The following SPOCK3 variants were observed in gnomAD, a reference collection of about 807,000 sequenced individuals.
SPOCK3 encodes the protein SPARC (osteonectin), cwcv and kazal like domains proteoglycan 3.
A neutral mutation model predicts 56.6 loss-of-function variants in SPOCK3; 30 were observed. The observed-to-expected ratio is 0.53, with a 90% CI of 0.40 to 0.72. The LOEUF is 0.72. Ranked by LOEUF, SPOCK3 falls within the 30% of genes least tolerant of loss-of-function variation. SPOCK3 has a pLI of 0.00. For missense variants in SPOCK3, 527 were observed against 530.0 expected (o/e 0.99, Z 0.06); for synonymous variants, 196 against 183.3 (o/e 1.07, Z -0.56).
chr4:167,112,166 C>T (rs573889642), intron 2 of SPOCK3, among the ~76,000 whole-genome samples: 3 of 152,188 alleles, frequency 2.0e-5, no homozygotes, highest in South Asian at 2.1e-4. Flanking sequence ...ACTATTAGCT[C>T]ATAATACCTG....
intron 3 of SPOCK3, among the ~76,000 whole-genome samples, chr4:167,002,010 G>T (rs976845457): frequency 6.6e-6 from 1 of 152,034 alleles, no homozygotes; most frequent in Non-Finnish European, 1.5e-5. Context: ...CCTGGCTAGA[G>T]TTCAGTGGTG....
chr4:166,983,706 T>G (rs2558127), intron 4 of SPOCK3, among the ~76,000 whole-genome samples: 98,857 of 151,886 alleles, frequency 0.65, 33,963 homozygotes, highest in East Asian at 0.84. Context: ...AATAATGTCT[T>G]AATTAAATAT....
rs1170820347 is a variant in SPOCK3 at position 167,205,475 on chromosome 4, TATATATA to T, written c.189+28503_189+28509del. Among the ~76,000 whole-genome samples the T allele has an allele frequency of 8.4e-3, 437 of 51,998 alleles. 12 individuals are homozygous for T. Among genetic ancestry groups the T allele is most frequent in the African/African-American group, 0.028 (329 of 11,946 alleles). The allele number at this position is 51,998 out of a possible 152,430, so 34.1% of individuals were successfully genotyped here. A position where few individuals can be genotyped will look rare whatever the true frequency, so the allele number is the denominator to read the frequency against. The stretch of plus-strand genomic sequence containing the variant: ...TTATATAAATATATAGAATTTATTT[TATATATA>T]ATATATAATATATAATATATATTAT... On this transcript the variant is annotated intron_variant, in intron 2 of 10. Coordinates refer to ENST00000357545, the MANE Select transcript of SPOCK3 (RefSeq NM_001040159.2).
chr4:166,859,405 C>A (rs937907510), intron 6 of SPOCK3, among the ~76,000 whole-genome samples: 5 of 152,074 alleles, frequency 3.3e-5, no homozygotes, highest in Non-Finnish European at 4.4e-5. Flanking sequence ...TCTGTGGGAG[C>A]AATTCTATTA....
At chr4:166,979,941 C>T (rs1200794583) in intron 4 of SPOCK3, among the ~76,000 whole-genome samples, 2 of 152,154 alleles carry the variant, frequency 1.3e-5, no homozygotes, top group Non-Finnish European at 2.9e-5. Context: ...GCTCCCCTTC[C>T]CTTCAGTTCC....
chr4:167,027,391 C>T (rs947505783), intron 3 of SPOCK3, among the ~76,000 whole-genome samples: 1 of 151,962 alleles, frequency 6.6e-6, no homozygotes, highest in African/African-American at 2.4e-5. Flanking sequence ...CTTGGGAAAT[C>T]ATTCCTTTGC....
intron 4 of SPOCK3, among the ~76,000 whole-genome samples, chr4:166,914,479 T>C (rs1737625723): frequency 6.6e-6 from 1 of 152,166 alleles, no homozygotes; most frequent in Admixed American, 6.6e-5. Flanking sequence ...TTTAAAAAGT[T>C]TGAAGATTTG....
At chr4:167,223,648 T>C (rs193276386) in intron 2 of SPOCK3, among the ~76,000 whole-genome samples, 1 of 152,048 alleles carries the variant, frequency 6.6e-6, no homozygotes, top group Admixed American at 6.6e-5. Context: ...ATATTACTAA[T>C]TAATACATTT....
chr4:166,795,594 A>G (rs1256870621), intron 6 of SPOCK3, among the ~76,000 whole-genome samples: 1 of 152,110 alleles, frequency 6.6e-6, no homozygotes, highest in African/African-American at 2.4e-5. Context: ...GATTCTTGCC[A>G]AATTAGAAAG....
chr4:167,193,863 C>T lies in SPOCK3; in HGVS notation c.189+40122G>A, dbSNP rs1732689078. Among the ~76,000 whole-genome samples the T allele has an allele frequency of 1.4e-5, 2 of 138,244 alleles. 1 individual carries two copies. The highest frequency in any genetic ancestry group is 3.1e-5 in the Non-Finnish European group (2 of 65,176). 90.7% of individuals were successfully genotyped at this position (138,244 alleles called of 152,430 possible). Reference sequence around the variant, plus strand: ...CTCATGGTTATTTTCTTTAGATTGACTTTGCATGGGGTTTTTTGAGTTTCA... The same window carrying T: ...CTCATGGTTATTTTCTTTAGATTGATTTTGCATGGGGTTTTTTGAGTTTCA... On this transcript the variant is annotated intron_variant, in intron 2 of 10. Transcript: ENST00000357545.
At chr4:166,769,432 T>C (rs995504352) in intron 7 of SPOCK3, among the ~76,000 whole-genome samples, 4 of 152,224 alleles carry the variant, frequency 2.6e-5, no homozygotes, top group Non-Finnish European at 5.9e-5. Context: ...GCAGGTATGT[T>C]GGAGTTTGCT....
At chr4:166,995,961 A>C (rs1748324184) in intron 4 of SPOCK3, among the ~76,000 whole-genome samples, 1 of 152,142 alleles carries the variant, frequency 6.6e-6, no homozygotes, top group Non-Finnish European at 1.5e-5. Context: ...TATTTCAACA[A>C]AGGAAACACA....
At chr4:167,187,077 A>C (rs1283898455) in intron 2 of SPOCK3, among the ~76,000 whole-genome samples, 1 of 152,098 alleles carries the variant, frequency 6.6e-6, no homozygotes, top group African/African-American at 2.4e-5. Flanking sequence ...ATATTGGTTA[A>C]TTTTAAAAAC....
chr4:167,063,190 T>G lies in SPOCK3; in HGVS notation c.190-653A>C, dbSNP rs183062175. On this transcript the variant is annotated intron_variant, in intron 2 of 10. Transcript: ENST00000357545. ...TGGAAAAGAATCAATGCAATATATT[T>G]ACGATATACTTAGTAAATATGACAG... 1.1e-4 allele frequency among the ~76,000 whole-genome samples: 16 copies of G among 151,966 alleles called. No homozygotes were observed. The East Asian group carries it at 3.1e-3, about 29-fold the overall frequency.
intron 6 of SPOCK3, among the ~76,000 whole-genome samples, chr4:166,817,297 A>G (rs945510837): frequency 3.9e-5 from 6 of 152,040 alleles, no homozygotes; most frequent in African/African-American, 1.4e-4. Flanking sequence ...ACTGGGTGAG[A>G]AACATTACCT....
chr4:166,922,720 C>T (rs1025015885), intron 4 of SPOCK3, among the ~76,000 whole-genome samples: 9 of 152,158 alleles, frequency 5.9e-5, no homozygotes, highest in Non-Finnish European at 1.3e-4. Context: ...TTTCTAACTT[C>T]TGTTGAACTC....
At chr4:166,846,720 A>C (rs1443451882) in intron 6 of SPOCK3, among the ~76,000 whole-genome samples, 1 of 152,134 alleles carries the variant, frequency 6.6e-6, no homozygotes, top group Non-Finnish European at 1.5e-5. Flanking sequence ...TGTTTTATTT[A>C]TATTTTAATG....
At chr4:167,018,488 C>T (rs1750860630) in intron 3 of SPOCK3, among the ~76,000 whole-genome samples, 1 of 152,058 alleles carries the variant, frequency 6.6e-6, no homozygotes, top group African/African-American at 2.4e-5. Context: ...TAGCCATTCG[C>T]CCAGAATAAA....
At chr4:167,231,664 C>T (rs562641317) in intron 2 of SPOCK3, among the ~76,000 whole-genome samples, 1 of 151,908 alleles carries the variant, frequency 6.6e-6, no homozygotes, top group Non-Finnish European at 1.5e-5. Flanking sequence ...CTAATGATTC[C>T]CCAAAAGGGA....
Sources: allele counts gnomAD v4.1 joint callset (sites outside exome capture counted in the v4.1 genomes callset), GRCh38; gene constraint gnomAD v4.1.1; transcripts MANE v1.5; gene names NCBI Gene and HGNC (gene_info 2026-07-23, HGNC 2026-07-21).